Variants in LCOR observed in about 807,000 individuals in gnomAD.
LCOR encodes ligand-dependent corepressor.
LCOR carries 14 observed loss-of-function variants against 64.4 expected under a neutral mutation model. That is an observed-to-expected ratio of 0.22 (90% CI 0.14 to 0.34). The LOEUF is 0.34. Ranked by LOEUF, LCOR falls within the 10% of genes least tolerant of loss-of-function variation. The pLI, the probability that LCOR is intolerant of heterozygous loss-of-function variation, is 1.00. For missense variants in LCOR, 1,686 were observed against 1,765.3 expected, an observed-to-expected ratio of 0.96 and a Z score of 0.80; for synonymous variants, 643 against 642.5, an observed-to-expected ratio of 1.00 and a Z score of -0.01.
intron 2 of LCOR, among the ~76,000 whole-genome samples, chr10:96,857,844 G>T (rs373385782): frequency 1.6e-4 from 24 of 152,268 alleles, no homozygotes; most frequent in African/African-American, 5.8e-4. Context: ...GATTCTCCAA[G>T]ATATCTGATC....
At chr10:96,980,254 T>C (rs1410198661) in intron 7 of LCOR, among the ~76,000 whole-genome samples, 2 of 152,148 alleles carry the variant, frequency 1.3e-5, no homozygotes, top group Non-Finnish European at 2.9e-5. Context: ...TGTGGACTTA[T>C]AAACCCACGA....
At chr10:96,893,142 A>G (rs946936869) in intron 2 of LCOR, among the ~76,000 whole-genome samples, 5 of 152,122 alleles carry the variant, frequency 3.3e-5, no homozygotes, top group Admixed American at 2.6e-4. Context: ...GTAGCAGTCT[A>G]TTTTGAATTA....
chr10:96,844,429 G>A (rs1265342413), intron 2 of LCOR, among the ~76,000 whole-genome samples: 1 of 151,854 alleles, frequency 6.6e-6, no homozygotes, highest in Non-Finnish European at 1.5e-5. Flanking sequence ...GCCCGTCTTT[G>A]TTTCTAATTA....
intron 2 of LCOR, among the ~76,000 whole-genome samples, chr10:96,892,866 T>A (rs1846469711): frequency 6.6e-6 from 1 of 152,224 alleles, no homozygotes; most frequent in Non-Finnish European, 1.5e-5. Flanking sequence ...TGGATAATGC[T>A]TTTTAAATTA....
Position 96,983,138 on chromosome 10 carries a change from C to T in LCOR, c.2678C>T (p.Ser893Phe), listed in dbSNP as rs1375897527. 1 of 1,613,786 alleles carries T rather than the reference C, an allele frequency of 6.2e-7. No homozygotes were observed. The highest frequency in any genetic ancestry group is 1.3e-5 in the African/African-American group (1 of 74,898). The change falls in exon 8 of 8, where the codon TCT becomes TTT. Residue 893 changes from serine (S) to phenylalanine (F), a missense_variant. By Grantham distance (155) the Ser-to-Phe change is radical. Around this residue, in one of 3 missense-constraint regions of LCOR, gnomAD observed 1,293 missense variants for 1,410.4 expected, o/e 0.92. Coordinates refer to ENST00000421806, the MANE Select transcript of LCOR (RefSeq NM_001346516.2). This position sits in a 1 kb window ranked among gnomAD's most constrained non-coding sequence, Gnocchi z 4.5. ...AAGCCAAGTGTCAATGAACGCCCCT[C>T]TGAGAAAGATGCTGAGCAGGAGGGC... ...TEKPSVNERP[S>F]EKDAEQEGEG...
chr10:96,905,922 A>G (rs903876733), intron 2 of LCOR, among the ~76,000 whole-genome samples: 2 of 152,328 alleles, frequency 1.3e-5, no homozygotes, highest in South Asian at 2.1e-4. Context: ...TACCAAGGCA[A>G]AGAAATCCCT....
At chr10:96,941,033 ACCTC>A (rs1247989250) in intron 4 of LCOR, among the ~76,000 whole-genome samples, 1 of 85,672 alleles carries the variant, frequency 1.2e-5, no homozygotes, top group Non-Finnish European at 2.3e-5. Flanking sequence ...TGACCCCCCC[ACCTC>A]CCTCCCGGAC....
At chr10:96,955,279 A>G (rs776183109) in intron 7 of LCOR, 3 of 1,614,076 alleles carry the variant, frequency 1.9e-6, no homozygotes, top group Non-Finnish European at 2.5e-6. Flanking sequence ...AACATCAGTG[A>G]CCTTCCTTTT....
chr10:96,919,542 A>G (rs1239129966), intron 4 of LCOR, among the ~76,000 whole-genome samples: 1 of 151,956 alleles, frequency 6.6e-6, no homozygotes, highest in East Asian at 1.9e-4. Flanking sequence ...TATCTTAACC[A>G]TATTTAGGTG....
chr10:96,931,490 G>A (rs1023122954), intron 4 of LCOR, among the ~76,000 whole-genome samples: 14 of 152,038 alleles, frequency 9.2e-5, no homozygotes, highest in African/African-American at 2.7e-4. Context: ...CTGCCTCGGT[G>A]TCCCAAAGTG....
intron 4 of LCOR, among the ~76,000 whole-genome samples, chr10:96,921,123 C>A (rs1313052212): frequency 6.6e-6 from 1 of 151,930 alleles, no homozygotes; most frequent in Admixed American, 6.6e-5. Flanking sequence ...GAGCCACCAC[C>A]CCCAGCCTAT....
chr10:96,950,543 A>G (rs1437875123), intron 6 of LCOR, among the ~76,000 whole-genome samples: 1 of 152,162 alleles, frequency 6.6e-6, no homozygotes, highest in African/African-American at 2.4e-5. Context: ...TAAAGTATTA[A>G]TGGAGGTTAA....
At chr10:96,975,821 C>A (rs1316605794) in intron 7 of LCOR, among the ~76,000 whole-genome samples, 1 of 151,954 alleles carries the variant, frequency 6.6e-6, no homozygotes, top group Non-Finnish European at 1.5e-5. Context: ...TCGAGACCAG[C>A]CTGACCAACA....
At chr10:96,969,307 G>C (rs1041327225) in intron 7 of LCOR, among the ~76,000 whole-genome samples, 2 of 152,184 alleles carry the variant, frequency 1.3e-5, no homozygotes, top group Non-Finnish European at 2.9e-5. Context: ...AAAAATACTG[G>C]AATTGTGATT....
At chr10:96,855,173 G>A (rs1845781660) in intron 2 of LCOR, among the ~76,000 whole-genome samples, 1 of 152,118 alleles carries the variant, frequency 6.6e-6, no homozygotes, top group South Asian at 2.1e-4. Flanking sequence ...TTTCTCTAGG[G>A]TAGCTAAGCT....
chr10:96,914,066 A>G (rs368384302), intron 4 of LCOR, among the ~76,000 whole-genome samples: 15 of 152,362 alleles, frequency 9.8e-5, no homozygotes, highest in East Asian at 7.7e-4. Context: ...TTCAGTGCCC[A>G]GCTAGCTCAG....
intron 2 of LCOR, among the ~76,000 whole-genome samples, chr10:96,879,427 G>A (rs1330860063): frequency 6.6e-6 from 1 of 152,174 alleles, no homozygotes; most frequent in Admixed American, 6.5e-5. Flanking sequence ...GCAAAAGCCA[G>A]AAGCTTATTC....
At chr10:96,833,067 C>T (rs906081844) in intron 1 of LCOR, 3 of 986,420 alleles carry the variant, frequency 3.0e-6, no homozygotes, top group East Asian at 1.1e-4. Context: ...AGCGGCTGCA[C>T]TTCCTCAGCG....
chr10:96,995,822 C>T lies in LCOR; in HGVS notation c.*10688C>T, dbSNP rs1435366482. 6.6e-6 allele frequency: 1 copy of T among 152,168 alleles called. No homozygotes were observed. Among genetic ancestry groups the T allele is most frequent in the African/African-American group, 2.4e-5 (1 of 41,422 alleles). 9.4% of individuals were successfully genotyped at this position (152,168 alleles called of 1,614,324 possible). On this transcript the variant is annotated 3_prime_UTR_variant, in exon 8 of 8. Transcript: ENST00000421806. The surrounding 1 kb of genome is among the most constrained non-coding windows in gnomAD (Gnocchi z 4.2). The stretch of plus-strand genomic sequence containing the variant: ...GATGTCCTGTGTTGTTTCAGATTCT[C>T]TTGTTTGGTTTTGAAGGATGCGGTG...
Sources: allele counts gnomAD v4.1 joint callset (sites outside exome capture counted in the v4.1 genomes callset), GRCh38; gene constraint gnomAD v4.1.1; regional missense constraint gnomAD v4.1.1; non-coding constraint Gnocchi (gnomAD v3.1); transcripts MANE v1.5; gene names NCBI Gene and HGNC (gene_info 2026-07-23, HGNC 2026-07-21).